Variants in DLGAP3 observed in about 807,000 individuals in gnomAD.
The protein encoded by DLGAP3 is disks large-associated protein 3.
In DLGAP3, 17 loss-of-function variants were observed where a neutral mutation model predicts 81.2. The observed-to-expected ratio is 0.21, with a 90% confidence interval of 0.14 to 0.31. DLGAP3 has a LOEUF of 0.31. Ranked by LOEUF, DLGAP3 falls within the 10% of genes least tolerant of loss-of-function variation. DLGAP3 has a pLI of 1.00. For synonymous variants in DLGAP3, 577 were observed against 587.4 expected (o/e 0.98, Z 0.26); for missense variants, 1,124 against 1,388.0 (o/e 0.81, Z 3.02).
At chr1:34,869,182 G>C in intron 8 of DLGAP3, 93 bp from the exon 9 acceptor site, 1 of 924,290 alleles carries the variant, frequency 1.1e-6, no homozygotes, top group Non-Finnish European at 1.6e-6. Context: ...GAATGAGAAA[G>C]GGAACCTACA....
At chr1:34,928,717 A>G (rs768122331) in intron 1 of DLGAP3, among the ~76,000 whole-genome samples, 78 of 151,800 alleles carry the variant, frequency 5.1e-4, no homozygotes, top group South Asian at 1.5e-3. Flanking sequence ...CAGCCAACGC[A>G]CGCGCGCGCA....
At chr1:34,906,516 A>T (rs551283044) in intron 2 of DLGAP3, among the ~76,000 whole-genome samples, 1 of 152,138 alleles carries the variant, frequency 6.6e-6, no homozygotes, top group Non-Finnish European at 1.5e-5. Context: ...TGTGGACTGA[A>T]ATAAGGAGAA....
chr1:34,866,155 G>A lies in DLGAP3; in HGVS notation c.2868C>T (p.Phe956=), dbSNP rs1638873066. Residue 956 remains phenylalanine (F), a synonymous_variant, in exon 12 of 12, where the codon TTC becomes TTT. Transcript: ENST00000373347. ...RLLAAKRAAS[F]RHSSATESAD... Reference sequence around the variant, plus strand: ...CGCTCTCGGTGGCCGAGCTGTGGCGGAAGGAAGCGGCGCGCTTGGCCGCCA... The same window carrying A: ...CGCTCTCGGTGGCCGAGCTGTGGCGAAAGGAAGCGGCGCGCTTGGCCGCCA... The A allele has an allele frequency of 6.3e-7, 1 of 1,598,150 alleles. No individual in the cohort carries two copies. Among genetic ancestry groups the A allele is most frequent in the African/African-American group, 1.3e-5 (1 of 74,824 alleles).
intron 5 of DLGAP3, among the ~76,000 whole-genome samples, chr1:34,897,821 A>C (rs2184187): frequency 2.0e-5 from 3 of 152,018 alleles, no homozygotes; most frequent in Non-Finnish European, 4.4e-5. Context: ...TGGATCCTGG[A>C]TATATTTTAA....
rs564459316 is a variant in DLGAP3 at position 34,902,813 on chromosome 1, T to G, written c.1107+1464A>C. Among the ~76,000 whole-genome samples the G allele has an allele frequency of 1.3e-5, 2 of 151,296 alleles. No homozygotes were observed. The highest frequency in any genetic ancestry group is 4.9e-5 in the African/African-American group (2 of 41,082). Reference sequence around the variant, plus strand: ...GTTAAAAAGGAAGCCCCCAGGGAGGTCAGGGCAGCCCTGAAGCAGCAGCAG... The same window carrying G: ...GTTAAAAAGGAAGCCCCCAGGGAGGGCAGGGCAGCCCTGAAGCAGCAGCAG... On this transcript the variant is annotated intron_variant, in intron 3 of 11. Transcript: ENST00000373347. The surrounding 1 kb of genome is among the most constrained non-coding windows in gnomAD (Gnocchi z 4.4).
chr1:34,901,757 G>A (rs1569640269), intron 3 of DLGAP3, among the ~76,000 whole-genome samples: 1 of 152,362 alleles, frequency 6.6e-6, no homozygotes, highest in East Asian at 1.9e-4. Flanking sequence ...TCAGACCACA[G>A]TGAGGGGAGA....
intron 4 of DLGAP3, 53 bp from the exon 5 acceptor site, chr1:34,899,794 G>A: frequency 1.9e-6 from 3 of 1,556,966 alleles, no homozygotes; most frequent in South Asian, 1.1e-5. Flanking sequence ...AGGAGGTGGG[G>A]GAGGGGAGAT....
At chr1:34,886,367 G>A in intron 5 of DLGAP3, 82 bp from the exon 6 acceptor site, 1 of 1,315,088 alleles carries the variant, frequency 7.6e-7, no homozygotes, top group South Asian at 1.4e-5. Flanking sequence ...CTTAGGGGAA[G>A]ACCTCTCTAT....
At position 34,899,745 on chromosome 1, in the gene DLGAP3, GA is replaced by G. The variant is rs758462157; in HGVS notation, c.1314-5del. ...GATCCGGGGTGGGACACAGCAGCTG[GA>G]AAAGGGCAAAATTCCGGAGTCAGAA... On this transcript the variant is annotated splice_region_variant and splice_polypyrimidine_tract_variant and intron_variant, in intron 4 of 11. Coordinates refer to ENST00000373347, the MANE Select transcript of DLGAP3 (RefSeq NM_001080418.3). 19 of 1,613,766 alleles carry G rather than the reference GA, an allele frequency of 1.2e-5. No homozygotes were observed. Among genetic ancestry groups the G allele is most frequent in the Non-Finnish European group, 1.5e-5 (18 of 1,179,802 alleles).
At chr1:34,921,682 C>T (rs141365469) in intron 1 of DLGAP3, among the ~76,000 whole-genome samples, 1 of 152,222 alleles carries the variant, frequency 6.6e-6, no homozygotes, top group African/African-American at 2.4e-5. Context: ...GGGTGAGGCA[C>T]TTGCGATGGG....
At chr1:34,898,688 G>A (rs1639411492) in intron 5 of DLGAP3, among the ~76,000 whole-genome samples, 1 of 152,134 alleles carries the variant, frequency 6.6e-6, no homozygotes, top group African/African-American at 2.4e-5. Flanking sequence ...GGGAAAGTGG[G>A]GCTCAAAAAA....
In DLGAP3 at chr1:34,892,533, C is replaced by T. The variant is rs984086966; in HGVS notation, c.1387-6248G>A. On this transcript the variant is annotated intron_variant, in intron 5 of 11. Transcript: ENST00000373347. ...TTTGTTTTTTTTAGAGATGAGGTCTCACTATGTTGCCCAGGCTTCAGTGCA... is the reference window on the plus strand; with the variant it reads ...TTTGTTTTTTTTAGAGATGAGGTCTTACTATGTTGCCCAGGCTTCAGTGCA... Among the ~76,000 whole-genome samples the T allele has an allele frequency of 9.9e-5, 15 of 152,158 alleles. No individual in the cohort carries two copies. In the East Asian group the frequency reaches 1.5e-3, roughly 16 times the overall value.
At chr1:34,892,448 A>T (rs1473260503) in intron 5 of DLGAP3, among the ~76,000 whole-genome samples, 2 of 152,184 alleles carry the variant, frequency 1.3e-5, no homozygotes, top group African/African-American at 4.8e-5. Flanking sequence ...GGGCAGAAAA[A>T]AATATTTGGA....
chr1:34,899,673 C>A lies in DLGAP3; in HGVS notation c.1382G>T (p.Gly461Val). The change falls in exon 5 of 12, where the codon GGA becomes GTA. Residue 461 changes from glycine to valine, a missense_variant. Transcript: ENST00000373347. ...GCATACTGGGCCTCTCCCTACCTGT[C>A]CAGTGGTGAGGGAACGGCTGTAGCC... is the stretch of plus-strand genomic sequence containing the variant. Reference protein sequence around the residue: ...IPGYSRSLTTGQLSDELNQQL... With the variant: ...IPGYSRSLTTVQLSDELNQQL... The A allele has an allele frequency of 1.2e-6, 2 of 1,612,634 alleles. No individual in the cohort carries two copies. The highest frequency in any genetic ancestry group is 1.7e-6 in the Non-Finnish European group (2 of 1,178,734).
At chr1:34,887,322 C>A (rs1198163807) in intron 5 of DLGAP3, among the ~76,000 whole-genome samples, 3 of 151,930 alleles carry the variant, frequency 2.0e-5, no homozygotes, top group Non-Finnish European at 4.4e-5. Flanking sequence ...CTTCTCTACC[C>A]TCCCCCACTG....
chr1:34,896,585 T>TCACACA (rs10593156), intron 5 of DLGAP3, among the ~76,000 whole-genome samples: 200 of 146,882 alleles, frequency 1.4e-3, no homozygotes, highest in Admixed American at 2.3e-3. Flanking sequence ...CCAGACTCCA[T>TCACACA]CACACACACA....
At chr1:34,926,413 AG>A (rs1429065331) in intron 1 of DLGAP3, among the ~76,000 whole-genome samples, 3 of 152,234 alleles carry the variant, frequency 2.0e-5, no homozygotes, top group African/African-American at 7.2e-5. Flanking sequence ...CCCAGACGGC[AG>A]GAGGCCCGCT....
rs1299630654 is a variant in DLGAP3, at chr1:34,868,535, C to G, written c.2485+70G>C. On this transcript the variant is annotated intron_variant, in intron 9 of 11. Coordinates refer to ENST00000373347, the MANE Select transcript of DLGAP3 (RefSeq NM_001080418.3). This position sits in a 1 kb window ranked among gnomAD's most constrained non-coding sequence, Gnocchi z 7.5. ...GTTACACTGCAGCCCCAGCCACCCCCATCAGGGTCTCCTGAGCACACACGA... is the reference window on the plus strand; with the variant it reads ...GTTACACTGCAGCCCCAGCCACCCCGATCAGGGTCTCCTGAGCACACACGA... The G allele has an allele frequency of 3.7e-6, 5 of 1,358,056 alleles. No homozygotes were observed. The highest frequency in any genetic ancestry group is 3.1e-6 in the Non-Finnish European group (3 of 954,012). The allele number at this position is 1,358,056 out of a possible 1,614,324, so 84.1% of individuals were successfully genotyped here.
At position 34,900,254 on chromosome 1, in the gene DLGAP3, C is replaced by A; in HGVS notation, c.1127G>T (p.Gly376Val). Residue 376 changes from glycine to valine, a missense_variant, in exon 4 of 12, where the codon GGG becomes GTG. By Grantham distance (109) the Gly-to-Val change is moderately radical (BLOSUM62 -3). This residue lies in a region of DLGAP3 where 357 missense variants were observed against 408.8 expected (regional missense o/e 0.87). Coordinates refer to ENST00000373347, the MANE Select transcript of DLGAP3 (RefSeq NM_001080418.3). This position sits in a 1 kb window ranked among gnomAD's most constrained non-coding sequence, Gnocchi z 5.6. Reference sequence around the variant, plus strand: ...ATCCTTGCCACCGGTGGGGTAACCCCCCCAGTCATCTTGCGGCACCTGCAG... The same window carrying A: ...ATCCTTGCCACCGGTGGGGTAACCCACCCAGTCATCTTGCGGCACCTGCAG... Reference protein sequence around the residue: ...HYLQVPQDDWGGYPTGGKDGE... With the variant: ...HYLQVPQDDWVGYPTGGKDGE... 1.9e-6 allele frequency: 3 copies of A among 1,614,062 alleles called. No homozygotes were observed. The highest frequency in any genetic ancestry group is 1.7e-4 in the Middle Eastern group (1 of 6,060).
Sources: gnomAD v4.1 joint callset for allele counts (sites outside exome capture counted in the v4.1 genomes callset) on GRCh38, gnomAD v4.1.1 for gene constraint, gnomAD v4.1.1 regional missense constraint, Gnocchi (gnomAD v3.1) non-coding constraint, MANE v1.5 for transcripts, NCBI Gene and HGNC (gene_info 2026-07-23, HGNC 2026-07-21) for gene names.